Variants in POMT1 observed in about 807,000 individuals in gnomAD.
The protein encoded by POMT1 is protein O-mannosyltransferase 1.
In POMT1, 85 loss-of-function variants were observed where a neutral mutation model predicts 101.6. The observed-to-expected ratio is 0.84, with a 90% CI of 0.70 to 1.00. The LOEUF is 1.00. Ranked by LOEUF, POMT1 falls within the 50% of genes least tolerant of loss-of-function variation. POMT1 has a pLI of 0.00. For missense variants in POMT1, 857 were observed against 930.4 expected (o/e 0.92, Z 1.03); for synonymous variants, 371 against 383.0 (o/e 0.97, Z 0.37).
chr9:131,522,905 TC>T lies in POMT1; in HGVS notation c.2004-22del. The T allele has an allele frequency of 2.6e-6, 4 of 1,563,702 alleles. No individual in the cohort carries two copies. The highest frequency in any genetic ancestry group is 8.6e-7 in the Non-Finnish European group (1 of 1,158,962). On this transcript the variant is annotated intron_variant, in intron 19 of 19. Transcript: ENST00000402686. The surrounding 1 kb of genome is among the most constrained non-coding windows in gnomAD (Gnocchi z 5.5). ...GGGAAGCCGCAGTGGTCAGCCACCC[TC>T]CCCCACGCTGCTCTGACCTCTGCAG...
intron 9 of POMT1, chr9:131,510,645 A>T (rs1045053160): frequency 5.0e-5 from 29 of 577,278 alleles, no homozygotes; most frequent in Non-Finnish European, 1.8e-5. Flanking sequence ...CTGGTATTAC[A>T]AGCACCTGCA....
rs779577551 is a variant in POMT1, at chr9:131,522,944, G to A, written c.2016G>A (p.Gln672=). The A allele has an allele frequency of 1.9e-6, 3 of 1,593,370 alleles. No individual in the cohort carries two copies. ...ISDHLCRSQL[Q]RSIFSALVVA... The stretch of plus-strand genomic sequence containing the variant: ...CTGACCTCTGCAGGTCCCAGCTCCA[G>A]AGGAGCATCTTCAGCGCCCTGGTGG... The change falls in exon 20 of 20, where the codon CAG becomes CAA. Residue 672 remains glutamine, a synonymous_variant. Transcript: ENST00000402686. This position sits in a 1 kb window ranked among gnomAD's most constrained non-coding sequence, Gnocchi z 5.5.
At position 131,523,210 on chromosome 9, in the gene POMT1, C is replaced by T. The variant is rs1246427954; in HGVS notation, c.*104C>T. The T allele has an allele frequency of 2.1e-5, 30 of 1,428,730 alleles. No individual in the cohort carries two copies. The highest frequency in any genetic ancestry group is 2.5e-5 in the Non-Finnish European group (26 of 1,046,426). 88.5% of individuals were successfully genotyped at this position (1,428,730 alleles called of 1,614,324 possible). On this transcript the variant is annotated 3_prime_UTR_variant, in exon 20 of 20. Transcript: ENST00000402686. ...GGGTGGGCCCCACGCTGGGAGGACACGGGCTGGGCTGAGCAGGGCCTCTAG... is the reference window on the plus strand; with the variant it reads ...GGGTGGGCCCCACGCTGGGAGGACATGGGCTGGGCTGAGCAGGGCCTCTAG...
intron 4 of POMT1, 57 bp from the exon 5 acceptor site, chr9:131,507,311 A>G: frequency 6.2e-7 from 1 of 1,612,050 alleles, no homozygotes; most frequent in Non-Finnish European, 8.5e-7. Flanking sequence ...TAGCTGCAGT[A>G]CACAGAGATG....
chr9:131,508,769 T>C, intron 5 of POMT1, 142 bp from the exon 6 acceptor site: 2 of 685,644 alleles, frequency 2.9e-6, no homozygotes, highest in East Asian at 2.7e-5. Flanking sequence ...AGGCCTTGTG[T>C]CTATAGAATG....
chr9:131,522,437 G>T lies in POMT1; in HGVS notation c.2003+213G>T. 9.8e-7 allele frequency: 1 copy of T among 1,016,616 alleles called. No individual in the cohort carries two copies. Among genetic ancestry groups the T allele is most frequent in the Non-Finnish European group, 1.4e-6 (1 of 712,950 alleles). 63.0% of individuals were successfully genotyped at this position (1,016,616 alleles called of 1,614,324 possible). ...GGGAGAAGTCGCGGCTGACAGAGAT[G>T]AAAGCGGAGTGGGTGGGGAGACGGG... On this transcript the variant is annotated intron_variant, in intron 19 of 19. Coordinates refer to ENST00000402686, the MANE Select transcript of POMT1 (RefSeq NM_001077365.2). The surrounding 1 kb of genome is among the most constrained non-coding windows in gnomAD (Gnocchi z 5.5).
In POMT1 at chr9:131,507,485, C is replaced by T. The variant is rs756011139; in HGVS notation, c.398C>T (p.Ala133Val). ...GAGCTCCACTTTTCTCATTGTGCCG[C>T]CATGGGAGCTGCTCTGTTGATGCTT... is the stretch of plus-strand genomic sequence containing the variant. ...VLELHFSHCA[A>V]MGAALLMLIE... Residue 133 changes from alanine to valine, a missense_variant, in exon 5 of 20, where the codon GCC becomes GTC. Coordinates refer to ENST00000402686, the MANE Select transcript of POMT1 (RefSeq NM_001077365.2). 1 of 1,614,200 alleles carries T rather than the reference C, an allele frequency of 6.2e-7. No homozygotes were observed. Among genetic ancestry groups the T allele is most frequent in the South Asian group, 1.1e-5 (1 of 91,072 alleles).
chr9:131,510,471 G>C, intron 9 of POMT1, 56 bp downstream of exon 9: 3 of 1,555,210 alleles, frequency 1.9e-6, no homozygotes, highest in Non-Finnish European at 2.7e-6. Context: ...AGTGGACCCA[G>C]AGTTTTCTTA....
chr9:131,506,711 A>T (rs1945886138), intron 4 of POMT1: 5 of 524,188 alleles, frequency 9.5e-6, no homozygotes, highest in Non-Finnish European at 1.7e-5. Flanking sequence ...CGTATCACAG[A>T]GCGTCTGATT....
intron 9 of POMT1, 115 bp downstream of exon 9, chr9:131,510,530 C>T: frequency 3.0e-6 from 4 of 1,351,810 alleles, no homozygotes; most frequent in Non-Finnish European, 4.1e-6. Context: ...ATGAAGAATC[C>T]ACATCCATAT....
intron 13 of POMT1, among the ~76,000 whole-genome samples, chr9:131,517,924 G>A (rs1949069712): frequency 6.6e-6 from 1 of 152,256 alleles, no homozygotes; most frequent in African/African-American, 2.4e-5. Context: ...GAAAATGACA[G>A]TCATGTGATG....
intron 18 of POMT1, among the ~76,000 whole-genome samples, 156 bp downstream of exon 18, chr9:131,521,628 G>A (rs575456526): frequency 3.3e-5 from 5 of 152,190 alleles, no homozygotes; most frequent in East Asian, 1.9e-4. Flanking sequence ...AGCATTCACC[G>A]CCTCAAGTGA....
At position 131,522,394 on chromosome 9, in the gene POMT1, G is replaced by T; in HGVS notation, c.2003+170G>T. 7.4e-7 allele frequency: 1 copy of T among 1,350,756 alleles called. No homozygotes were observed. Among genetic ancestry groups the T allele is most frequent in the Non-Finnish European group, 9.9e-7 (1 of 1,006,284 alleles). 83.7% of individuals were successfully genotyped at this position (1,350,756 alleles called of 1,614,324 possible). ...GGTTCAGAAGAGATGCCCAGATGAGGCACTGCAGGAACCCAGAGGGAGAAG... is the reference window on the plus strand; with the variant it reads ...GGTTCAGAAGAGATGCCCAGATGAGTCACTGCAGGAACCCAGAGGGAGAAG... On this transcript the variant is annotated intron_variant, in intron 19 of 19. Coordinates refer to ENST00000402686, the MANE Select transcript of POMT1 (RefSeq NM_001077365.2). The surrounding 1 kb of genome is among the most constrained non-coding windows in gnomAD (Gnocchi z 5.5).
Position 131,509,913 on chromosome 9 carries a change from A to G in POMT1, c.616A>G (p.Met206Val), listed in dbSNP as rs960422223. ...ACSCAVGIKY[M>V]GVFTYVLVLG... ...GTCATGTCTTTGCAGCATCAAGTAC[A>G]TGGGTGTGTTCACGTACGTGCTCGT... The change falls in exon 8 of 20, where the codon ATG (methionine) becomes GTG (valine). Residue 206 changes from methionine (M) to valine (V), a missense_variant. By Grantham distance (21) the Met-to-Val change is conservative (BLOSUM62 1). Transcript: ENST00000402686. 6 of 1,614,074 alleles carry G rather than the reference A, an allele frequency of 3.7e-6. No homozygotes were observed. Among genetic ancestry groups the G allele is most frequent in the African/African-American group, 1.3e-5 (1 of 74,924 alleles).
rs369663076 is a variant in POMT1 at position 131,504,361 on chromosome 9, C to A, written c.122+21C>A. 5 of 1,614,020 alleles carry A rather than the reference C, an allele frequency of 3.1e-6. No homozygotes were observed. The African/African-American group carries it at 6.7e-5, about 22-fold the overall frequency. On this transcript the variant is annotated intron_variant, in intron 2 of 19. Transcript: ENST00000402686. Reference sequence around the variant, plus strand: ...GTGGTGTAAGCTAAATGACTCCATTCCCAGGGTGAATCTAGAATTGTACTT... The same window carrying A: ...GTGGTGTAAGCTAAATGACTCCATTACCAGGGTGAATCTAGAATTGTACTT...
chr9:131,515,611 A>G, intron 13 of POMT1, 89 bp downstream of exon 13: 2 of 1,187,100 alleles, frequency 1.7e-6, no homozygotes, highest in Non-Finnish European at 2.5e-6. Flanking sequence ...GCACTCCCTA[A>G]CACAGAGCAC....
In POMT1 at chr9:131,515,913, TGGAGCACTTCCTCACAG is replaced by T. The variant is rs1948369528; in HGVS notation, c.1272+408_1272+424del. 2.0e-4 allele frequency among the ~76,000 whole-genome samples: 6 copies of T among 30,268 alleles called. No homozygotes were observed. The South Asian group carries it at 9.1e-3, about 46-fold the overall frequency. 19.9% of individuals were successfully genotyped at this position (30,268 alleles called of 152,430 possible). On this transcript the variant is annotated intron_variant, in intron 13 of 19. Coordinates refer to ENST00000402686, the MANE Select transcript of POMT1 (RefSeq NM_001077365.2). ...TCCTCACATGGAGCACTTCCTCACA[TGGAGCACTTCCTCACAG>T]GGAGCACTTCCTCACACGGAACACT...
In POMT1 at chr9:131,518,866, G is replaced by A; in HGVS notation, c.1395G>A (p.Gly465=). 2 of 1,614,026 alleles carry A rather than the reference G, an allele frequency of 1.2e-6. No individual in the cohort carries two copies. The highest frequency in any genetic ancestry group is 8.5e-7 in the Non-Finnish European group (1 of 1,180,028). ...KLSGAHLPDW[G]YRQLEIVGEK... ...GCGGGGCTCACCTCCCTGACTGGGG[G>A]TATCGGCAACTGGAGATCGTCGGGG... is the stretch of plus-strand genomic sequence containing the variant. Residue 465 remains glycine (G), a synonymous_variant, in exon 15 of 20, where the codon GGG becomes GGA. Transcript: ENST00000402686.
At chr9:131,521,502 C>A (rs1564388955) in intron 18 of POMT1, 30 bp downstream of exon 18, 1 of 1,609,234 alleles carries the variant, frequency 6.2e-7, no homozygotes, top group East Asian at 2.2e-5. Flanking sequence ...GGCTTTCTTT[C>A]TTTTTAATAT....
Sources: allele counts gnomAD v4.1 joint callset (sites outside exome capture counted in the v4.1 genomes callset), GRCh38; gene constraint gnomAD v4.1.1; non-coding constraint Gnocchi (gnomAD v3.1); transcripts MANE v1.5; gene names NCBI Gene and HGNC (gene_info 2026-07-23, HGNC 2026-07-21).